FBXL13: variants seen among roughly 807,000 people sequenced by gnomAD.
FBXL13 encodes the protein F-box and leucine rich repeat protein 13.
Under a neutral mutation model 83.6 loss-of-function variants are expected in FBXL13, and 67 were observed. That is an observed-to-expected ratio of 0.80 (90% CI 0.66 to 0.98). The LOEUF is 0.98. Ranked by LOEUF, FBXL13 falls within the 50% of genes least tolerant of loss-of-function variation. FBXL13 has a pLI of 0.00. For missense variants in FBXL13, 822 were observed against 866.5 expected, an observed-to-expected ratio of 0.95 and a Z score of 0.64; for synonymous variants, 272 against 299.5, an observed-to-expected ratio of 0.91 and a Z score of 0.95.
chr7:102,915,695 AAC>A (rs1387695653), intron 10 of FBXL13, among the ~76,000 whole-genome samples: 3 of 151,774 alleles, frequency 2.0e-5, no homozygotes, highest in Admixed American at 6.6e-5. Context: ...AGATTACAAA[AAC>A]AGCCAATTAT....
At chr7:102,864,600 C>A (rs969682958) in intron 16 of FBXL13, among the ~76,000 whole-genome samples, 14 of 152,140 alleles carry the variant, frequency 9.2e-5, no homozygotes, top group African/African-American at 3.4e-4. Flanking sequence ...AACTCCTGAC[C>A]TCAGGTAATC....
intron 1 of FBXL13, among the ~76,000 whole-genome samples, chr7:103,059,139 G>A (rs147311921): frequency 6.6e-5 from 10 of 152,172 alleles, no homozygotes; most frequent in Non-Finnish European, 1.0e-4. Context: ...GCATGGTGGC[G>A]TGTGCCTGTA....
chr7:103,052,061 A>G (rs941816754), intron 2 of FBXL13, among the ~76,000 whole-genome samples: 1 of 152,264 alleles, frequency 6.6e-6, no homozygotes, highest in Non-Finnish European at 1.5e-5. Context: ...CTCACTGTGC[A>G]GAACTGTGTA....
chr7:102,913,159 T>C, exon 11 of FBXL13: 1 of 1,614,120 alleles, frequency 6.2e-7, no homozygotes, highest in Non-Finnish European at 8.5e-7. Context: ...CTGTAAGCCT[T>C]TGTCTGTGAA....
intron 7 of FBXL13, among the ~76,000 whole-genome samples, chr7:102,964,009 G>A (rs1825686169): frequency 6.6e-6 from 1 of 152,126 alleles, no homozygotes; most frequent in Non-Finnish European, 1.5e-5. Flanking sequence ...TCAGATAAAT[G>A]CAAATTGAAA....
intron 6 of FBXL13, among the ~76,000 whole-genome samples, chr7:103,024,182 A>AGAGG (rs1793575316): frequency 7.2e-6 from 1 of 139,128 alleles, no homozygotes; most frequent in Non-Finnish European, 1.6e-5. Context: ...AGAGAGAGAG[A>AGAGG]GAGAAATAAT....
intron 8 of FBXL13, among the ~76,000 whole-genome samples, chr7:102,962,958 T>C (rs1375588225): frequency 6.9e-6 from 1 of 145,386 alleles, no homozygotes; most frequent in Non-Finnish European, 1.5e-5. Flanking sequence ...AATGTGCACA[T>C]GTACCCTAAA....
At position 102,956,703 on chromosome 7, in the gene FBXL13, A is replaced by G. The variant is rs1824326380; in HGVS notation, c.724+6830T>C. Among the ~76,000 whole-genome samples the G allele has an allele frequency of 2.0e-5, 3 of 152,216 alleles. No individual in the cohort carries two copies. In the South Asian group the frequency reaches 6.2e-4, roughly 32 times the overall value. ...CAGCAAAGTCTGAGGACACAAAATC[A>G]ATGTGCAAAAATCACAAGAATTCCT... On this transcript the variant is annotated intron_variant, in intron 8 of 19. Transcript: ENST00000313221.
chr7:102,835,369 T>C (rs946588014), intron 17 of FBXL13, among the ~76,000 whole-genome samples: 4 of 152,166 alleles, frequency 2.6e-5, no homozygotes, highest in Non-Finnish European at 4.4e-5. Flanking sequence ...CTTTGAATTA[T>C]TGGAATCAGT....
At chr7:102,868,898 C>T (rs901517630) in intron 16 of FBXL13, among the ~76,000 whole-genome samples, 1 of 152,198 alleles carries the variant, frequency 6.6e-6, no homozygotes, top group African/African-American at 2.4e-5. Flanking sequence ...GAACTCCTGG[C>T]CTCAAGTGAT....
intron 2 of FBXL13, among the ~76,000 whole-genome samples, chr7:103,031,538 T>C (rs559325767): frequency 1.3e-5 from 2 of 152,314 alleles, no homozygotes; most frequent in Admixed American, 1.3e-4. Context: ...AGCAAGTTAG[T>C]GCTGGCTACA....
At chr7:102,835,521 G>A (rs1454487567) in intron 17 of FBXL13, among the ~76,000 whole-genome samples, 1 of 151,258 alleles carries the variant, frequency 6.6e-6, no homozygotes, top group East Asian at 1.9e-4. Flanking sequence ...TTGGTTCACT[G>A]ATCCTTTATG....
chr7:102,989,555 C>T (rs991906245), intron 6 of FBXL13, among the ~76,000 whole-genome samples: 1 of 152,220 alleles, frequency 6.6e-6, no homozygotes, highest in Admixed American at 6.5e-5. Flanking sequence ...GCTCCTGCTC[C>T]ACCCTGCCTT....
At chr7:102,969,398 ACACAATGAC>A (rs1826342463) in intron 6 of FBXL13, among the ~76,000 whole-genome samples, 1 of 152,106 alleles carries the variant, frequency 6.6e-6, no homozygotes, top group Non-Finnish European at 1.5e-5. Context: ...TATGATGTTC[ACACAATGAC>A]AAAAATCACC....
chr7:103,065,517 A>G (rs922080386), intron 1 of FBXL13, among the ~76,000 whole-genome samples: 2 of 152,228 alleles, frequency 1.3e-5, no homozygotes, highest in Non-Finnish European at 2.9e-5. Context: ...GACAGAAATC[A>G]CACCCGTGTT....
Position 102,832,828 on chromosome 7 carries a change from TC to T in FBXL13, c.1854+11del. The T allele has an allele frequency of 1.2e-6, 2 of 1,614,124 alleles. No homozygotes were observed. The highest frequency in any genetic ancestry group is 1.7e-6 in the Non-Finnish European group (2 of 1,179,998). On this transcript the variant is annotated intron_variant, in intron 18 of 19. Transcript: ENST00000313221. The stretch of plus-strand genomic sequence containing the variant: ...AAATTGGATGTGTTTGAGCCCTGAC[TC>T]CTGCACATACCTTTGGACAGCCAGC...
chr7:102,874,215 AC>A (rs1019078190), intron 16 of FBXL13: 1 of 288,550 alleles, frequency 3.5e-6, no homozygotes, highest in African/African-American at 2.3e-5. Context: ...CCTGAATGTT[AC>A]GTCTGTAGTC....
chr7:103,007,347 A>T (rs1791095560), intron 6 of FBXL13, among the ~76,000 whole-genome samples: 1 of 152,228 alleles, frequency 6.6e-6, no homozygotes, highest in South Asian at 2.1e-4. Flanking sequence ...AAGCAAGAAG[A>T]AAAAAAGACA....
chr7:102,837,338 C>T (rs993243935), intron 17 of FBXL13, among the ~76,000 whole-genome samples: 2 of 152,202 alleles, frequency 1.3e-5, no homozygotes, highest in African/African-American at 4.8e-5. Context: ...CTCAGAGAAG[C>T]TCCCTGTTTT....
Sources: allele counts gnomAD v4.1 joint callset (sites outside exome capture counted in the v4.1 genomes callset), GRCh38; gene constraint gnomAD v4.1.1; transcripts MANE v1.5; gene names NCBI Gene and HGNC (gene_info 2026-07-23, HGNC 2026-07-21).